The following WHRN variants were observed in gnomAD, a reference collection of about 807,000 sequenced individuals.
The protein encoded by WHRN is CASK-interacting protein CIP98.
Under a neutral mutation model 68.3 loss-of-function variants are expected in WHRN, and 41 were observed. That is an observed-to-expected ratio of 0.60 (90% CI 0.47 to 0.78). WHRN has a LOEUF of 0.78. Among genes scored for constraint, WHRN ranks in the 30% least tolerant of loss-of-function variants. WHRN has a pLI of 0.00. For synonymous variants in WHRN, 560 were observed against 561.3 expected (o/e 1.00, Z 0.03); for missense variants, 1,243 against 1,244.7 (o/e 1.00, Z 0.02).
At chr9:114,424,036 C>T (rs1836564802) in intron 6 of WHRN, among the ~76,000 whole-genome samples, 2 of 152,174 alleles carry the variant, frequency 1.3e-5, no homozygotes, top group Non-Finnish European at 1.5e-5. Context: ...AGATATGAGG[C>T]GTTAACCAGC....
intron 3 of WHRN, among the ~76,000 whole-genome samples, chr9:114,451,650 G>C (rs1282303108): frequency 6.6e-6 from 1 of 151,946 alleles, no homozygotes; most frequent in Non-Finnish European, 1.5e-5. Context: ...GCCTACAGGG[G>C]AAGGCCCTGC....
intron 3 of WHRN, among the ~76,000 whole-genome samples, chr9:114,434,367 A>G (rs1284355674): frequency 6.6e-6 from 1 of 152,246 alleles, no homozygotes; most frequent in African/African-American, 2.4e-5. Flanking sequence ...GAAATGTTCT[A>G]TAACTAGGCT....
chr9:114,504,993 C>A lies in WHRN; in HGVS notation c.-192G>T. 2 of 807,920 alleles carry A rather than the reference C, an allele frequency of 2.5e-6. No individual in the cohort carries two copies. The highest frequency in any genetic ancestry group is 3.4e-6 in the Non-Finnish European group (2 of 592,588). The allele number at this position is 807,920 out of a possible 1,614,324, so 50.0% of individuals were successfully genotyped here. A position where few individuals can be genotyped will look rare whatever the true frequency, so the allele number is the denominator to read the frequency against. On this transcript the variant is annotated 5_prime_UTR_variant, in exon 1 of 12. Coordinates refer to ENST00000362057, the MANE Select transcript of WHRN (RefSeq NM_015404.4). The stretch of plus-strand genomic sequence containing the variant: ...GACCGCTGCTAGAGTCCCGGAGGCG[C>A]GAAGACGGCGGGGGTCGCGAACCTG...
chr9:114,490,911 C>A lies in WHRN; in HGVS notation c.619-12140G>T, dbSNP rs1341321647. On this transcript the variant is annotated intron_variant, in intron 1 of 11. Coordinates refer to ENST00000362057, the MANE Select transcript of WHRN (RefSeq NM_015404.4). ...ATATTGATTCCTCTTTAATGCAATT[C>A]TTCAATTATCCTCAAAGCCTGGCTT... Among the ~76,000 whole-genome samples, 4 of 152,212 alleles carry A rather than the reference C, an allele frequency of 2.6e-5. No individual in the cohort carries two copies. In the East Asian group the frequency reaches 7.7e-4, roughly 29 times the overall value.
chr9:114,404,367 G>A (rs1420986914), intron 9 of WHRN, among the ~76,000 whole-genome samples: 2 of 152,240 alleles, frequency 1.3e-5, no homozygotes, highest in African/African-American at 4.8e-5. Context: ...TAAAACAGAG[G>A]TCAGGAGGCA....
chr9:114,446,378 A>G (rs529772850), intron 3 of WHRN, among the ~76,000 whole-genome samples: 3 of 152,306 alleles, frequency 2.0e-5, no homozygotes, highest in African/African-American at 7.2e-5. Context: ...TCGTGGGTAC[A>G]GAGAGTTTTT....
intron 3 of WHRN, among the ~76,000 whole-genome samples, chr9:114,448,732 G>A (rs1839055027): frequency 6.6e-6 from 1 of 152,180 alleles, no homozygotes; most frequent in African/African-American, 2.4e-5. Flanking sequence ...AGGGCCTCCA[G>A]CCCATAGCCA....
chr9:114,447,782 G>GTC (rs879546513), intron 3 of WHRN, among the ~76,000 whole-genome samples: 2 of 151,402 alleles, frequency 1.3e-5, no homozygotes, highest in Admixed American at 6.6e-5. Context: ...CTTTCTCTCT[G>GTC]TCTCTCTCTC....
chr9:114,456,491 A>T (rs572339145), intron 3 of WHRN, among the ~76,000 whole-genome samples: 2 of 152,278 alleles, frequency 1.3e-5, no homozygotes, highest in South Asian at 4.1e-4. Flanking sequence ...GTCGTATATA[A>T]ACACTGTACT....
chr9:114,451,916 G>A (rs1306134726), intron 3 of WHRN, among the ~76,000 whole-genome samples: 1 of 152,182 alleles, frequency 6.6e-6, no homozygotes, highest in African/African-American at 2.4e-5. Flanking sequence ...GATAATACCA[G>A]AGCCTCCTTG....
intron 3 of WHRN, among the ~76,000 whole-genome samples, chr9:114,460,407 G>A (rs1840149852): frequency 6.6e-6 from 1 of 152,226 alleles, no homozygotes; most frequent in Non-Finnish European, 1.5e-5. Flanking sequence ...GTTGAGTACA[G>A]TGCCTGATTC....
chr9:114,447,829 T>C (rs1416510474), intron 3 of WHRN, among the ~76,000 whole-genome samples: 1 of 152,158 alleles, frequency 6.6e-6, no homozygotes, highest in South Asian at 2.1e-4. Flanking sequence ...AATAAATTTA[T>C]ATGCATTTTA....
At chr9:114,473,554 T>C (rs1038779498) in intron 2 of WHRN, among the ~76,000 whole-genome samples, 9 of 152,328 alleles carry the variant, frequency 5.9e-5, no homozygotes, top group East Asian at 1.9e-4. Flanking sequence ...TATCTGTAAG[T>C]ATTTTATAGG....
rs535171650 is a variant in WHRN, at chr9:114,501,997, C to G, written c.618+2187G>C. Among the ~76,000 whole-genome samples the G allele has an allele frequency of 1.6e-4, 24 of 152,310 alleles. No individual in the cohort carries two copies. The Middle Eastern group carries it at 0.01, about 65-fold the overall frequency. ...CTTTTAAACTGTCCCTGAAACTACA[C>G]GAGGAGTGCCATGGCCTCAGGGAAG... is the stretch of plus-strand genomic sequence containing the variant. On this transcript the variant is annotated intron_variant, in intron 1 of 11. Transcript: ENST00000362057.
intron 1 of WHRN, among the ~76,000 whole-genome samples, chr9:114,498,503 C>A (rs1843649348): frequency 6.6e-6 from 1 of 152,110 alleles, no homozygotes; most frequent in South Asian, 2.1e-4. Context: ...CAGCCACAGG[C>A]CTGTGTGTGG....
intron 1 of WHRN, among the ~76,000 whole-genome samples, chr9:114,499,975 C>T (rs1843785460): frequency 1.3e-4 from 1 of 7,690 alleles, no homozygotes; most frequent in Admixed American, 3.6e-3. Flanking sequence ...ATAAAAATAC[C>T]GATTTTTTTA....
intron 2 of WHRN, among the ~76,000 whole-genome samples, chr9:114,466,990 A>T (rs1025847614): frequency 7.0e-6 from 1 of 142,714 alleles, no homozygotes; most frequent in Non-Finnish European, 1.5e-5. Context: ...GCCTCCCCAG[A>T]GTTCTCCTGT....
chr9:114,431,698 G>C (rs1837440612), intron 3 of WHRN, among the ~76,000 whole-genome samples: 1 of 152,190 alleles, frequency 6.6e-6, no homozygotes, highest in Admixed American at 6.5e-5. Context: ...TTTGTTCATT[G>C]CAATGTGGCT....
intron 1 of WHRN, among the ~76,000 whole-genome samples, chr9:114,489,522 A>G (rs1219024174): frequency 2.9e-4 from 27 of 92,706 alleles, no homozygotes; most frequent in Non-Finnish European, 7.8e-4. Context: ...GCGTGCACAC[A>G]CACACACACA....
Sources: gnomAD v4.1 joint callset for allele counts (sites outside exome capture counted in the v4.1 genomes callset) on GRCh38, gnomAD v4.1.1 for gene constraint, MANE v1.5 for transcripts, NCBI Gene and HGNC (gene_info 2026-07-23, HGNC 2026-07-21) for gene names.